DRC8: variants seen among roughly 807,000 people sequenced by gnomAD.
DRC8 encodes dynein regulatory complex subunit 8.
the DRC8 span, among the ~76,000 whole-genome samples, chr1:244,974,521 G>A: frequency 2.0e-5 from 3 of 152,100 alleles, no homozygotes; most frequent in African/African-American, 7.2e-5. Flanking sequence ...GTTTTACAAG[G>A]TTTGTTGTTT....
the DRC8 span, among the ~76,000 whole-genome samples, chr1:244,973,249 A>G: frequency 1.3e-5 from 2 of 152,170 alleles, no homozygotes; most frequent in Admixed American, 6.5e-5. Context: ...ATACTGTTTT[A>G]TGGGTACTAA....
At chr1:244,982,620 A>G in the DRC8 span, among the ~76,000 whole-genome samples, 1 of 152,218 alleles carries the variant, frequency 6.6e-6, no homozygotes, top group Non-Finnish European at 1.5e-5. Context: ...GGCTGAGGAA[A>G]GAATCATTGA....
the DRC8 span, among the ~76,000 whole-genome samples, chr1:245,014,078 T>C: frequency 7.6e-6 from 1 of 131,332 alleles, no homozygotes; most frequent in African/African-American, 2.8e-5. Context: ...AAGAAAAGAG[T>C]AGTTAACTCT....
the DRC8 span, among the ~76,000 whole-genome samples, chr1:245,113,503 A>C: frequency 6.6e-6 from 1 of 152,176 alleles, no homozygotes. Context: ...GAAAAGTTGA[A>C]GACGTGGTTA....
the DRC8 span, chr1:244,970,102 G>C: frequency 1.5e-6 from 1 of 672,932 alleles, no homozygotes; most frequent in East Asian, 2.9e-5. Flanking sequence ...GGAGGGGTTG[G>C]GGACCGTGTG....
the DRC8 span, among the ~76,000 whole-genome samples, chr1:245,120,977 A>G: frequency 1.3e-5 from 2 of 152,266 alleles, no homozygotes; most frequent in African/African-American, 2.4e-5. Context: ...AGCCAGGTTC[A>G]TCTGGGTTTG....
chr1:245,003,483 T>A, the DRC8 span, among the ~76,000 whole-genome samples: 1 of 152,242 alleles, frequency 6.6e-6, no homozygotes, highest in Non-Finnish European at 1.5e-5. Context: ...AAGCCAATGG[T>A]GGCTGGCTCC....
chr1:244,973,343 T>C, the DRC8 span, among the ~76,000 whole-genome samples: 4 of 152,228 alleles, frequency 2.6e-5, no homozygotes, highest in African/African-American at 9.6e-5. Context: ...TTGAAGGATG[T>C]GTTCAGTACC....
the DRC8 span, chr1:245,002,200 A>G: frequency 1.4e-5 from 22 of 1,610,244 alleles, no homozygotes; most frequent in Non-Finnish European, 1.8e-5. Flanking sequence ...AGAAGAGACC[A>G]TCACACAATG....
chr1:245,110,742 A>G, the DRC8 span, among the ~76,000 whole-genome samples: 1 of 152,270 alleles, frequency 6.6e-6, no homozygotes, highest in Non-Finnish European at 1.5e-5. Context: ...GGACATGTTT[A>G]TAGGGCATGT....
At chr1:245,010,354 C>T in the DRC8 span, among the ~76,000 whole-genome samples, 1 of 152,224 alleles carries the variant, frequency 6.6e-6, no homozygotes, top group African/African-American at 2.4e-5. Flanking sequence ...GCACCTGGAA[C>T]AGAAACTTCT....
At chr1:244,989,264 C>T in the DRC8 span, among the ~76,000 whole-genome samples, 1 of 152,124 alleles carries the variant, frequency 6.6e-6, no homozygotes, top group Non-Finnish European at 1.5e-5. Context: ...AAAGTCCATA[C>T]TTTACTCAGA....
chr1:245,009,498 C>T, the DRC8 span, among the ~76,000 whole-genome samples: 3 of 138,966 alleles, frequency 2.2e-5, no homozygotes, highest in African/African-American at 8.1e-5. Flanking sequence ...GTTGGAGTCT[C>T]GCTCTGTCAC....
At chr1:245,083,404 A>G in the DRC8 span, 53 of 1,590,898 alleles carry the variant, frequency 3.3e-5, no homozygotes, top group African/African-American at 5.1e-4. Flanking sequence ...ACTGCGGTAA[A>G]TACCACGGCA....
chr1:245,114,167 A>T, the DRC8 span, among the ~76,000 whole-genome samples: 3,297 of 152,016 alleles, frequency 0.022, 118 homozygotes, highest in East Asian at 0.14. Context: ...TCTTTTTTTT[A>T]AAAATTGTCT....
the DRC8 span, among the ~76,000 whole-genome samples, chr1:244,998,252 AGGCTGG>A: frequency 2.6e-5 from 4 of 152,022 alleles, no homozygotes; most frequent in African/African-American, 9.6e-5. Context: ...TTTGTTCTCC[AGGCTGG>A]AGTACAGTGA....
the DRC8 span, among the ~76,000 whole-genome samples, chr1:244,980,908 C>T: frequency 2.0e-5 from 3 of 152,098 alleles, no homozygotes; most frequent in African/African-American, 4.8e-5. Flanking sequence ...TGAGGCCGGG[C>T]GTGGTGGTTC....
At chr1:245,027,206 AAG>A in the DRC8 span, among the ~76,000 whole-genome samples, 3 of 152,192 alleles carry the variant, frequency 2.0e-5, no homozygotes, top group African/African-American at 7.2e-5. Flanking sequence ...AAAAGAGTCA[AAG>A]AGAATTTTTT....
the DRC8 span, among the ~76,000 whole-genome samples, chr1:244,995,383 G>A: frequency 6.6e-6 from 1 of 151,818 alleles, no homozygotes; most frequent in African/African-American, 2.4e-5. Flanking sequence ...AGAGGGACAG[G>A]TTCTCACTCT....
Sources: allele counts gnomAD v4.1 joint callset (sites outside exome capture counted in the v4.1 genomes callset), GRCh38; gene constraint gnomAD v4.1.1; transcripts MANE v1.5; gene names NCBI Gene and HGNC (gene_info 2026-07-23, HGNC 2026-07-21).